GPAT4: variants seen among roughly 807,000 people sequenced by gnomAD.
GPAT4 encodes the protein 1-AGP acyltransferase 6.
A neutral mutation model predicts 58.0 loss-of-function variants in GPAT4; 17 were observed. That is an observed-to-expected ratio of 0.29 (90% confidence interval 0.20 to 0.44). GPAT4 has a LOEUF of 0.44. Among genes scored for constraint, GPAT4 ranks in the 20% least tolerant of loss-of-function variants. GPAT4 has a pLI of 1.00. For missense variants in GPAT4, 377 were observed against 574.5 expected, an observed-to-expected ratio of 0.66 and a Z score of 3.51; for synonymous variants, 204 against 210.1, an observed-to-expected ratio of 0.97 and a Z score of 0.25.
chr8:41,609,602 T>A lies in GPAT4; in HGVS notation c.236-53T>A, dbSNP rs570363538. ...GTGCAGGATGTGTGCTCTGAGTATG[T>A]CTCACGTGCTCTCCCCCAGCGTGCT... On this transcript the variant is annotated intron_variant, in intron 3 of 12. Transcript: ENST00000396987. The A allele has an allele frequency of 2.7e-5, 44 of 1,603,362 alleles. No homozygotes were observed. In the African/African-American group the frequency reaches 5.6e-4, roughly 20 times the overall value.
intron 6 of GPAT4, 27 bp from the exon 7 acceptor site, chr8:41,612,153 G>T (rs765321390): frequency 6.2e-7 from 1 of 1,612,954 alleles, no homozygotes; most frequent in African/African-American, 1.3e-5. Context: ...ACTAATTTTG[G>T]TTGCTTTGCA....
chr8:41,595,931 G>A (rs1436097314), intron 1 of GPAT4, among the ~76,000 whole-genome samples: 1 of 152,040 alleles, frequency 6.6e-6, no homozygotes, highest in Non-Finnish European at 1.5e-5. Context: ...AGGGGTGGGG[G>A]GGTGTGATCT....
intron 1 of GPAT4, among the ~76,000 whole-genome samples, chr8:41,596,338 A>C (rs192418033): frequency 6.6e-6 from 1 of 152,328 alleles, no homozygotes; most frequent in East Asian, 1.9e-4. Flanking sequence ...AATCAAAACC[A>C]AAATCAGAGT....
chr8:41,617,370 G>A (rs1160469469), intron 10 of GPAT4, among the ~76,000 whole-genome samples: 1 of 151,802 alleles, frequency 6.6e-6, no homozygotes, highest in Non-Finnish European at 1.5e-5. Flanking sequence ...GTCTCAAAAT[G>A]TATATTATTA....
chr8:41,596,368 G>C (rs1802932454), intron 1 of GPAT4, among the ~76,000 whole-genome samples: 1 of 152,128 alleles, frequency 6.6e-6, no homozygotes, highest in Admixed American at 6.5e-5. Context: ...TCCAAGCCAG[G>C]TCAAAACCAA....
chr8:41,612,355 A>G, intron 7 of GPAT4, 82 bp downstream of exon 7: 5 of 1,376,222 alleles, frequency 3.6e-6, no homozygotes, highest in Non-Finnish European at 5.1e-6. Flanking sequence ...TGGACCCTTC[A>G]CATAAACACA....
At position 41,622,998 on chromosome 8, in the gene GPAT4, C is replaced by T. The variant is rs1360538124; in HGVS notation, c.*1997C>T. On this transcript the variant is annotated 3_prime_UTR_variant, in exon 13 of 13. Coordinates refer to ENST00000396987, the MANE Select transcript of GPAT4 (RefSeq NM_178819.4). ...TCATCTGAAACTTTATGGTTTGTTACTTTCGTGATTTGCATAGGTATTTAT... is the reference window on the plus strand; with the variant it reads ...TCATCTGAAACTTTATGGTTTGTTATTTTCGTGATTTGCATAGGTATTTAT... 1 of 151,382 alleles carries T rather than the reference C, an allele frequency of 6.6e-6. No individual in the cohort carries two copies. The highest frequency in any genetic ancestry group is 1.5e-5 in the Non-Finnish European group (1 of 67,924). 9.4% of individuals were successfully genotyped at this position (151,382 alleles called of 1,614,324 possible). A position where few individuals can be genotyped will look rare whatever the true frequency, so the allele number is the denominator to read the frequency against.
chr8:41,620,421 G>A (rs959651663), intron 12 of GPAT4, among the ~76,000 whole-genome samples: 2 of 152,174 alleles, frequency 1.3e-5, no homozygotes, highest in Non-Finnish European at 2.9e-5. Flanking sequence ...GTCAGAACAC[G>A]CGTTACCCCT....
chr8:41,597,321 G>T (rs1802960506), intron 1 of GPAT4, among the ~76,000 whole-genome samples: 1 of 152,158 alleles, frequency 6.6e-6, no homozygotes, highest in South Asian at 2.1e-4. Flanking sequence ...AAGGTGATTA[G>T]TGTGAAGCCA....
At chr8:41,611,534 G>A (rs1192417436) in intron 5 of GPAT4, among the ~76,000 whole-genome samples, 1 of 152,274 alleles carries the variant, frequency 6.6e-6, no homozygotes, top group African/African-American at 2.4e-5. Flanking sequence ...CCTTTGGGAA[G>A]TTCTGGGGTT....
At chr8:41,578,613 G>T (rs757480574) in intron 1 of GPAT4, 1 of 152,284 alleles carries the variant, frequency 6.6e-6, no homozygotes, top group Non-Finnish European at 1.5e-5. Flanking sequence ...GGGAGTCCGG[G>T]GATGTGGGTG....
At chr8:41,615,702 T>C (rs1803578540) in intron 10 of GPAT4, among the ~76,000 whole-genome samples, 1 of 152,196 alleles carries the variant, frequency 6.6e-6, no homozygotes, top group Admixed American at 6.5e-5. Context: ...CCTCACATCA[T>C]GACACCTACA....
At position 41,621,864 on chromosome 8, in the gene GPAT4, C is replaced by G. The variant is rs1563282123; in HGVS notation, c.*863C>G. 1 of 152,266 alleles carries G rather than the reference C, an allele frequency of 6.6e-6. No individual in the cohort carries two copies. The highest frequency in any genetic ancestry group is 1.5e-5 in the Non-Finnish European group (1 of 68,108). 9.4% of individuals were successfully genotyped at this position (152,266 alleles called of 1,614,324 possible). A position where few individuals can be genotyped will look rare whatever the true frequency, so the allele number is the denominator to read the frequency against. On this transcript the variant is annotated 3_prime_UTR_variant, in exon 13 of 13. Transcript: ENST00000396987. Reference sequence around the variant, plus strand: ...CAGGCCTGAGCTCAGAGCTGCTGCACTGGGCTTTGGATTTGTTCTTGTGAG... The same window carrying G: ...CAGGCCTGAGCTCAGAGCTGCTGCAGTGGGCTTTGGATTTGTTCTTGTGAG...
chr8:41,589,747 T>A (rs146084890), intron 1 of GPAT4, among the ~76,000 whole-genome samples: 338 of 152,260 alleles, frequency 2.2e-3, no homozygotes, highest in African/African-American at 6.1e-3. Flanking sequence ...AGAGGAGTGA[T>A]CTACACTCTG....
intron 1 of GPAT4, among the ~76,000 whole-genome samples, chr8:41,595,778 G>T (rs1175219819): frequency 2.0e-5 from 3 of 150,560 alleles, no homozygotes; most frequent in Admixed American, 1.3e-4. Flanking sequence ...CTCCCTCCTT[G>T]ACTCCGTCTT....
At chr8:41,614,570 C>T in intron 9 of GPAT4, 129 bp downstream of exon 9, 2 of 924,108 alleles carry the variant, frequency 2.2e-6, no homozygotes, top group South Asian at 3.1e-5. Flanking sequence ...ATGTTAGGTC[C>T]CCTTTAGGTT....
intron 1 of GPAT4, among the ~76,000 whole-genome samples, chr8:41,593,550 A>G (rs1802848612): frequency 6.6e-6 from 1 of 152,070 alleles, no homozygotes; most frequent in Non-Finnish European, 1.5e-5. Context: ...TGTGACTGGG[A>G]CTATGGCCCA....
At chr8:41,601,411 C>T (rs143034742) in intron 2 of GPAT4, among the ~76,000 whole-genome samples, 2 of 152,124 alleles carry the variant, frequency 1.3e-5, no homozygotes, top group East Asian at 1.9e-4. Flanking sequence ...AAGAAAATCT[C>T]GAGCAGCACA....
chr8:41,605,901 G>A lies in GPAT4; in HGVS notation c.166-3515G>A, dbSNP rs369847645. On this transcript the variant is annotated intron_variant, in intron 2 of 12. Transcript: ENST00000396987. ...GAAGATTTTTGAACAAGAAAGTGAC[G>A]TGGCTGGACTCTGGCAGCATGTGGA... Among the ~76,000 whole-genome samples, 51 of 152,282 alleles carry A rather than the reference G, an allele frequency of 3.3e-4. No individual in the cohort carries two copies. In the East Asian group the frequency reaches 7.3e-3, roughly 22 times the overall value.
Sources: gnomAD v4.1 joint callset for allele counts (sites outside exome capture counted in the v4.1 genomes callset) on GRCh38, gnomAD v4.1.1 for gene constraint, MANE v1.5 for transcripts, NCBI Gene and HGNC (gene_info 2026-07-23, HGNC 2026-07-21) for gene names.